ZFAND3: variants seen among roughly 807,000 people sequenced by gnomAD.
ZFAND3 encodes the protein AN1-type zinc finger protein 3.
ZFAND3 carries 10 observed loss-of-function variants against 29.6 expected under a neutral mutation model. The ratio of observed to expected loss-of-function variants is 0.34; its 90% CI spans 0.21 to 0.57. ZFAND3 has a LOEUF of 0.57. ZFAND3 is among the 20% of genes least tolerant of loss of function. The pLI, the probability that ZFAND3 is intolerant of heterozygous loss-of-function variation, is 0.86. For missense variants in ZFAND3, 230 were observed against 304.5 expected, an observed-to-expected ratio of 0.76 and a Z score of 1.82; for synonymous variants, 128 against 112.6, an observed-to-expected ratio of 1.14 and a Z score of -0.87.
At chr6:38,105,077 C>T (rs2127479781) in intron 4 of ZFAND3, among the ~76,000 whole-genome samples, 1 of 152,306 alleles carries the variant, frequency 6.6e-6, no homozygotes, top group South Asian at 2.1e-4. Context: ...GTAGCTACCT[C>T]ATAGCCTTGT....
intron 2 of ZFAND3, among the ~76,000 whole-genome samples, chr6:38,048,005 GTTTA>G (rs967587612): frequency 1.6e-4 from 23 of 143,558 alleles, no homozygotes; most frequent in African/African-American, 5.1e-4. Context: ...GTGTGTGTTT[GTTTA>G]TTTATTTATT....
At chr6:38,051,936 A>G (rs1764035740) in intron 2 of ZFAND3, among the ~76,000 whole-genome samples, 1 of 152,258 alleles carries the variant, frequency 6.6e-6, no homozygotes, top group Non-Finnish European at 1.5e-5. Context: ...GGAAAACTGT[A>G]TAGTCTGCAC....
intron 2 of ZFAND3, among the ~76,000 whole-genome samples, chr6:37,936,396 A>C (rs1761699294): frequency 6.6e-6 from 1 of 152,186 alleles, no homozygotes; most frequent in African/African-American, 2.4e-5. Context: ...TATGTTTAAG[A>C]AATGGAAGGT....
chr6:38,133,419 A>T (rs771465908), intron 5 of ZFAND3, among the ~76,000 whole-genome samples: 17 of 152,136 alleles, frequency 1.1e-4, no homozygotes, highest in South Asian at 2.1e-4. Context: ...TATCCTGGGT[A>T]CCTGTACTTG....
intron 1 of ZFAND3, among the ~76,000 whole-genome samples, chr6:37,842,460 A>G (rs1470723717): frequency 2.6e-5 from 4 of 152,044 alleles, no homozygotes; most frequent in South Asian, 2.1e-4. Flanking sequence ...AATGTTTTTG[A>G]TATTTATCAG....
intron 5 of ZFAND3, among the ~76,000 whole-genome samples, chr6:38,125,588 G>C (rs1184536656): frequency 6.6e-6 from 1 of 152,170 alleles, no homozygotes; most frequent in East Asian, 1.9e-4. Flanking sequence ...CATGGCATGA[G>C]ATAAATTTCC....
intron 4 of ZFAND3, among the ~76,000 whole-genome samples, chr6:38,115,149 T>C (rs1765392310): frequency 6.6e-6 from 1 of 152,144 alleles, no homozygotes; most frequent in Non-Finnish European, 1.5e-5. Flanking sequence ...GCAGCAGGGC[T>C]GGGGGACTGT....
intron 2 of ZFAND3, among the ~76,000 whole-genome samples, chr6:38,061,123 C>T (rs57142729): frequency 0.088 from 13,449 of 152,110 alleles, 778 homozygotes; most frequent in East Asian, 0.29. Flanking sequence ...AAATATTCTG[C>T]CTTTTAGCTG....
At chr6:37,824,134 T>C (rs940151593) in intron 1 of ZFAND3, among the ~76,000 whole-genome samples, 2 of 152,246 alleles carry the variant, frequency 1.3e-5, no homozygotes, top group African/African-American at 2.4e-5. Flanking sequence ...AGACATGGAC[T>C]TAAAACTTTA....
chr6:37,979,935 A>G (rs2127431909), intron 2 of ZFAND3, among the ~76,000 whole-genome samples: 1 of 152,360 alleles, frequency 6.6e-6, no homozygotes, highest in African/African-American at 2.4e-5. Flanking sequence ...TTGTTAAAAA[A>G]TTATTTAGTT....
chr6:37,903,781 A>G (rs1318875956), intron 1 of ZFAND3, among the ~76,000 whole-genome samples: 1 of 152,254 alleles, frequency 6.6e-6, no homozygotes, highest in East Asian at 1.9e-4. Flanking sequence ...ATTGTTTTCC[A>G]TAAATAAGTT....
intron 2 of ZFAND3, among the ~76,000 whole-genome samples, chr6:38,006,932 A>G (rs1246886288): frequency 6.6e-6 from 1 of 152,174 alleles, no homozygotes; most frequent in Non-Finnish European, 1.5e-5. Context: ...GTGCTCCTGC[A>G]GTCATACACA....
chr6:37,986,545 C>G (rs1030277461), intron 2 of ZFAND3, among the ~76,000 whole-genome samples: 2 of 152,078 alleles, frequency 1.3e-5, no homozygotes, highest in Non-Finnish European at 2.9e-5. Flanking sequence ...GTTTTTTTAT[C>G]CTTAGTTTAG....
At chr6:37,908,535 A>T (rs1581752087) in intron 1 of ZFAND3, among the ~76,000 whole-genome samples, 1 of 86,704 alleles carries the variant, frequency 1.2e-5, no homozygotes, top group East Asian at 2.0e-4. Flanking sequence ...TAATTAAAAA[A>T]AAAAATTAAA....
chr6:37,848,958 A>G (rs968871102), intron 1 of ZFAND3, among the ~76,000 whole-genome samples: 1 of 152,212 alleles, frequency 6.6e-6, no homozygotes, highest in South Asian at 2.1e-4. Context: ...TAGTTTGACA[A>G]GTGAAGTTCT....
At chr6:38,116,471 G>C in intron 4 of ZFAND3, 101 bp from the exon 5 acceptor site, 2 of 1,376,618 alleles carry the variant, frequency 1.5e-6, no homozygotes, top group Non-Finnish European at 2.0e-6. Flanking sequence ...TCCTGGACAA[G>C]GGCAGTAGCC....
chr6:37,826,342 G>A (rs946864654), intron 1 of ZFAND3, among the ~76,000 whole-genome samples: 14 of 152,218 alleles, frequency 9.2e-5, no homozygotes, highest in African/African-American at 3.4e-4. Context: ...CTGAGGAACA[G>A]CGATCCTGCT....
At chr6:37,986,886 A>C (rs542744962) in intron 2 of ZFAND3, among the ~76,000 whole-genome samples, 1 of 152,196 alleles carries the variant, frequency 6.6e-6, no homozygotes, top group East Asian at 1.9e-4. Flanking sequence ...CAACTATGTC[A>C]GTGGAAAAAA....
At chr6:38,028,668 G>T (rs1324087298) in intron 2 of ZFAND3, among the ~76,000 whole-genome samples, 1 of 152,130 alleles carries the variant, frequency 6.6e-6, no homozygotes, top group Admixed American at 6.6e-5. Context: ...ACTCTCCTTT[G>T]CAGTGTAGCA....
Sources: gnomAD v4.1 joint callset for allele counts (sites outside exome capture counted in the v4.1 genomes callset) on GRCh38, gnomAD v4.1.1 for gene constraint, MANE v1.5 for transcripts, NCBI Gene and HGNC (gene_info 2026-07-23, HGNC 2026-07-21) for gene names.